EPHA3: variants seen among roughly 807,000 people sequenced by gnomAD.
EPHA3 encodes EPH receptor A3, also known as ephrin type-A receptor 3.
EPHA3 carries 42 observed loss-of-function variants against 107.1 expected under a neutral mutation model. That is an observed-to-expected ratio of 0.39 (90% CI 0.31 to 0.51). The LOEUF (loss-of-function observed/expected upper bound fraction) is 0.51, where lower values mean the gene tolerates loss of function less well. Ranked by LOEUF, EPHA3 falls within the 20% of genes least tolerant of loss-of-function variation. The pLI is 0.78. For synonymous variants in EPHA3, 461 were observed against 424.8 expected, an observed-to-expected ratio of 1.09 and a Z score of -1.05; for missense variants, 1,183 against 1,211.2, an observed-to-expected ratio of 0.98 and a Z score of 0.35.
At chr3:89,342,355 G>T (rs987547242) in intron 5 of EPHA3, among the ~76,000 whole-genome samples, 1 of 152,070 alleles carries the variant, frequency 6.6e-6, no homozygotes, top group Non-Finnish European at 1.5e-5. Flanking sequence ...CTCTCAGATA[G>T]TAGTAGAGGG....
intron 5 of EPHA3, among the ~76,000 whole-genome samples, chr3:89,395,546 C>T (rs1708831703): frequency 1.3e-5 from 2 of 152,202 alleles, no homozygotes; most frequent in South Asian, 4.2e-4. Flanking sequence ...ATTATAGTAG[C>T]AGATTGAAAA....
chr3:89,214,273 AG>A (rs1704174107), intron 3 of EPHA3, among the ~76,000 whole-genome samples: 1 of 152,088 alleles, frequency 6.6e-6, no homozygotes, highest in South Asian at 2.1e-4. Flanking sequence ...CATCCACAAA[AG>A]GGATGGGCTT....
In EPHA3 at chr3:89,364,041, T is replaced by A. The variant is rs1485874090; in HGVS notation, c.1306+21951T>A. Among the ~76,000 whole-genome samples, 2 of 150,800 alleles carry A rather than the reference T, an allele frequency of 1.3e-5. 1 individual carries two copies. The highest frequency in any genetic ancestry group is 3.0e-5 in the Non-Finnish European group (2 of 67,376). The stretch of plus-strand genomic sequence containing the variant: ...ACTATAGGTTTTTTTTATTGGTAAA[T>A]ATTTTCATGTCAACATTACCCTTTT... On this transcript the variant is annotated intron_variant, in intron 5 of 16. Transcript: ENST00000336596.
intron 2 of EPHA3, among the ~76,000 whole-genome samples, chr3:89,140,435 C>T (rs1402181327): frequency 3.3e-5 from 5 of 151,574 alleles, no homozygotes; most frequent in African/African-American, 4.8e-5. Flanking sequence ...TTCTGAACTG[C>T]TAAAATAATC....
At chr3:89,117,702 A>C (rs2106952972) in intron 1 of EPHA3, among the ~76,000 whole-genome samples, 1 of 152,188 alleles carries the variant, frequency 6.6e-6, no homozygotes, top group East Asian at 1.9e-4. Flanking sequence ...TGACCTCATT[A>C]TGGCATAATT....
At chr3:89,452,606 G>A (rs1710016272) in intron 15 of EPHA3, among the ~76,000 whole-genome samples, 2 of 152,080 alleles carry the variant, frequency 1.3e-5, no homozygotes, top group Admixed American at 1.3e-4. Context: ...AGCCACCTAT[G>A]AGATATATTG....
chr3:89,468,142 TGAG>T (rs766453081), intron 15 of EPHA3, among the ~76,000 whole-genome samples: 2 of 152,158 alleles, frequency 1.3e-5, no homozygotes, highest in Non-Finnish European at 2.9e-5. Flanking sequence ...ATGTCCTCTC[TGAG>T]GAGGAAAGGA....
intron 3 of EPHA3, among the ~76,000 whole-genome samples, chr3:89,312,073 A>T (rs1039029833): frequency 2.0e-5 from 3 of 152,000 alleles, no homozygotes; most frequent in Admixed American, 2.0e-4. Context: ...TAGTTTATCA[A>T]ATCTTTGCAC....
intron 10 of EPHA3, among the ~76,000 whole-genome samples, chr3:89,416,437 A>G (rs1709248958): frequency 6.6e-6 from 1 of 151,368 alleles, no homozygotes; most frequent in African/African-American, 2.4e-5. Context: ...TAACTTTTAC[A>G]ATACAGTTCT....
At chr3:89,280,918 G>A (rs1705931468) in intron 3 of EPHA3, among the ~76,000 whole-genome samples, 1 of 151,980 alleles carries the variant, frequency 6.6e-6, no homozygotes, top group African/African-American at 2.4e-5. Context: ...TAGAATAGTA[G>A]CTTATAATAA....
chr3:89,372,726 CTCCTACAGACTGTGGTT>C (rs1340470660), intron 5 of EPHA3, among the ~76,000 whole-genome samples: 1 of 151,788 alleles, frequency 6.6e-6, no homozygotes, highest in Admixed American at 6.6e-5. Flanking sequence ...TAGTCTCTGT[CTCCTACAGACTGTGGTT>C]AACATTATTC....
At chr3:89,277,504 T>C (rs927100249) in intron 3 of EPHA3, among the ~76,000 whole-genome samples, 2 of 152,134 alleles carry the variant, frequency 1.3e-5, no homozygotes, top group African/African-American at 2.4e-5. Flanking sequence ...CAGAACTAGA[T>C]AGCAATAGTA....
intron 5 of EPHA3, among the ~76,000 whole-genome samples, chr3:89,350,314 T>C (rs1238668451): frequency 6.6e-6 from 1 of 150,402 alleles, no homozygotes; most frequent in African/African-American, 2.4e-5. Context: ...CTTTGCTCAT[T>C]TCTTTTTATT....
intron 2 of EPHA3, among the ~76,000 whole-genome samples, chr3:89,135,098 A>G (rs893597675): frequency 2.6e-5 from 4 of 152,176 alleles, no homozygotes; most frequent in Non-Finnish European, 5.9e-5. Flanking sequence ...TATGCAGTTT[A>G]TTTATAATTT....
Position 89,412,351 on chromosome 3 carries a change from T to C in EPHA3, c.1763-790T>C, listed in dbSNP as rs1709171430. Among the ~76,000 whole-genome samples, 6 of 151,582 alleles carry C rather than the reference T, an allele frequency of 4.0e-5. No homozygotes were observed. The South Asian group carries it at 1.2e-3, about 31-fold the overall frequency. On this transcript the variant is annotated intron_variant, in intron 9 of 16. Coordinates refer to ENST00000336596, the MANE Select transcript of EPHA3 (RefSeq NM_005233.6). ...ATGAATAAATATAATATGAAGGAGATTTTTATTTAATAAATTACATATATG... is the reference window on the plus strand; with the variant it reads ...ATGAATAAATATAATATGAAGGAGACTTTTATTTAATAAATTACATATATG...
chr3:89,250,732 T>C (rs1439485895), intron 3 of EPHA3, among the ~76,000 whole-genome samples: 1 of 152,216 alleles, frequency 6.6e-6, no homozygotes, highest in Admixed American at 6.5e-5. Context: ...AAGATCCTTT[T>C]CTACTAATCT....
chr3:89,357,561 G>T lies in EPHA3; in HGVS notation c.1306+15471G>T, dbSNP rs573307952. On this transcript the variant is annotated intron_variant, in intron 5 of 16. Transcript: ENST00000336596. ...TTGTCCACCTAAGGAGGGCAATTGG[G>T]TATATATCCTCTAAAATGAAGTACA... is the stretch of plus-strand genomic sequence containing the variant. 6.6e-5 allele frequency among the ~76,000 whole-genome samples: 10 copies of T among 151,236 alleles called. No homozygotes were observed. The South Asian group carries it at 2.1e-3, about 31-fold the overall frequency.
chr3:89,451,987 G>GA (rs1016652539), intron 15 of EPHA3, among the ~76,000 whole-genome samples: 9 of 151,522 alleles, frequency 5.9e-5, no homozygotes, highest in Non-Finnish European at 1.0e-4. Flanking sequence ...ATATTTTTGT[G>GA]AAAAAAATCA....
intron 5 of EPHA3, among the ~76,000 whole-genome samples, chr3:89,391,973 G>A (rs959344438): frequency 6.6e-6 from 1 of 151,694 alleles, no homozygotes; most frequent in Admixed American, 6.6e-5. Context: ...ACCTTTATAC[G>A]GTTTTAAATT....
Sources: allele counts gnomAD v4.1 joint callset (sites outside exome capture counted in the v4.1 genomes callset), GRCh38; gene constraint gnomAD v4.1.1; transcripts MANE v1.5; gene names NCBI Gene and HGNC (gene_info 2026-07-23, HGNC 2026-07-21).